The following ABLIM3 variants were observed in gnomAD, a reference collection of about 807,000 sequenced individuals.
ABLIM3 encodes actin binding LIM protein family member 3.
ABLIM3 carries 61 observed loss-of-function variants against 109.5 expected under a neutral mutation model. The observed-to-expected ratio is 0.56, with a 90% CI of 0.45 to 0.69. The LOEUF (loss-of-function observed/expected upper bound fraction) is 0.69. ABLIM3 is among the 30% of genes least tolerant of loss of function. The pLI is 0.00. For synonymous variants in ABLIM3, 300 were observed against 324.8 expected, an observed-to-expected ratio of 0.92 and a Z score of 0.82; for missense variants, 796 against 889.5, an observed-to-expected ratio of 0.89 and a Z score of 1.34.
intron 2 of ABLIM3, among the ~76,000 whole-genome samples, chr5:149,174,031 A>AAG (rs1176349743): frequency 6.6e-6 from 1 of 150,436 alleles, no homozygotes; most frequent in African/African-American, 2.4e-5. Flanking sequence ...CAAAAAAAAA[A>AAG]AAAAAAAAAA....
chr5:149,219,808 C>G (rs1226154391), intron 8 of ABLIM3: 1 of 152,270 alleles, frequency 6.6e-6, no homozygotes, highest in African/African-American at 2.4e-5. Context: ...TTCCTCTCCT[C>G]CTTCCCTGGT....
intron 10 of ABLIM3, among the ~76,000 whole-genome samples, chr5:149,236,031 AG>A (rs926220095): frequency 1.6e-4 from 24 of 152,238 alleles, no homozygotes; most frequent in African/African-American, 5.8e-4. Context: ...GAAGGTTGCC[AG>A]GGGAATAAGT....
intron 2 of ABLIM3, among the ~76,000 whole-genome samples, chr5:149,159,562 T>C (rs1346971410): frequency 6.6e-6 from 1 of 152,124 alleles, no homozygotes; most frequent in African/African-American, 2.4e-5. Flanking sequence ...ACAGAGTATG[T>C]GTGTATATAC....
intron 10 of ABLIM3, among the ~76,000 whole-genome samples, chr5:149,236,111 AAGTC>A (rs1290628132): frequency 6.6e-6 from 1 of 152,150 alleles, no homozygotes; most frequent in African/African-American, 2.4e-5. Context: ...ACCCAACTGA[AAGTC>A]AGAGAGCAAA....
chr5:149,258,495 G>A lies in ABLIM3; in HGVS notation c.*91G>A. On this transcript the variant is annotated 3_prime_UTR_variant, in exon 24 of 24. Transcript: ENST00000309868. Reference sequence around the variant, plus strand: ...CGGTATAATCCTCTCTTGTGTAATGGGACACACTGCCTGCCATGAGACTTG... The same window carrying A: ...CGGTATAATCCTCTCTTGTGTAATGAGACACACTGCCTGCCATGAGACTTG... The A allele has an allele frequency of 7.0e-7, 1 of 1,434,750 alleles. No homozygotes were observed. Among genetic ancestry groups the A allele is most frequent in the Non-Finnish European group, 9.1e-7 (1 of 1,098,818 alleles). The allele number at this position is 1,434,750 out of a possible 1,614,324, so 88.9% of individuals were successfully genotyped here.
intron 17 of ABLIM3, 191 bp from the exon 18 acceptor site, chr5:149,247,591 G>A (rs1468787635): frequency 1.2e-6 from 1 of 809,596 alleles, no homozygotes; most frequent in South Asian, 1.5e-5. Context: ...CAGACCACAG[G>A]ACAACTTGTG....
At chr5:149,209,738 G>A (rs1759356405) in intron 6 of ABLIM3, among the ~76,000 whole-genome samples, 1 of 152,152 alleles carries the variant, frequency 6.6e-6, no homozygotes, top group Non-Finnish European at 1.5e-5. Context: ...AAAGGGTTGG[G>A]GGAGGTGTGT....
chr5:149,161,036 C>A (rs1453915899), intron 2 of ABLIM3, among the ~76,000 whole-genome samples: 1 of 152,204 alleles, frequency 6.6e-6, no homozygotes, highest in South Asian at 2.1e-4. Flanking sequence ...ATCAGACCAC[C>A]TTCTTTCTTG....
chr5:149,144,767 G>A (rs1752769526), intron 2 of ABLIM3, among the ~76,000 whole-genome samples: 1 of 152,178 alleles, frequency 6.6e-6, no homozygotes, highest in South Asian at 2.1e-4. Context: ...ACTTGGATGT[G>A]TAACACATTT....
chr5:149,195,444 A>G (rs143641964), intron 3 of ABLIM3, among the ~76,000 whole-genome samples: 49 of 152,190 alleles, frequency 3.2e-4, no homozygotes, highest in African/African-American at 1.2e-3. Context: ...TCCCCACTGT[A>G]TTTCCAGGAA....
chr5:149,206,994 C>T lies in ABLIM3; in HGVS notation c.449-14C>T, dbSNP rs375291295. ...CCAGGGTGCTTTGCTCAGCAGTGTCCTCTTGTCTTGCAGACTGTGCCGGGT... is the reference window on the plus strand; with the variant it reads ...CCAGGGTGCTTTGCTCAGCAGTGTCTTCTTGTCTTGCAGACTGTGCCGGGT... On this transcript the variant is annotated splice_polypyrimidine_tract_variant and intron_variant, in intron 5 of 23. Transcript: ENST00000309868. The T allele has an allele frequency of 4.0e-5, 64 of 1,613,242 alleles. No individual in the cohort carries two copies. Among genetic ancestry groups the T allele is most frequent in the Non-Finnish European group, 5.2e-5 (61 of 1,179,630 alleles).
chr5:149,240,349 C>T (rs537846938), intron 13 of ABLIM3: 15 of 406,446 alleles, frequency 3.7e-5, no homozygotes, highest in East Asian at 9.2e-5. Flanking sequence ...ATTAAGGGAG[C>T]GTCCAAAAGG....
chr5:149,220,868 C>G (rs1760578182), intron 8 of ABLIM3: 1 of 152,250 alleles, frequency 6.6e-6, no homozygotes, highest in Admixed American at 6.5e-5. Flanking sequence ...ATGTGCCAGG[C>G]TCTCTGCTAC....
Position 149,198,938 on chromosome 5 carries a change from A to G in ABLIM3, c.335+536A>G. On this transcript the variant is annotated intron_variant, in intron 4 of 23. Coordinates refer to ENST00000309868, the MANE Select transcript of ABLIM3 (RefSeq NM_014945.5). The surrounding 1 kb of genome is among the most constrained non-coding windows in gnomAD (Gnocchi z 4.2). Reference sequence around the variant, plus strand: ...ACCTCATTGGGTTTTCTCGAAGATCAATGAGATGATGATGCAAAGGCATTA... The same window carrying G: ...ACCTCATTGGGTTTTCTCGAAGATCGATGAGATGATGATGCAAAGGCATTA... 2.5e-6 allele frequency: 1 copy of G among 397,896 alleles called. No individual in the cohort carries two copies. Among genetic ancestry groups the G allele is most frequent in the Middle Eastern group, 4.8e-4 (1 of 2,096 alleles). The allele number at this position is 397,896 out of a possible 1,614,324, so 24.6% of individuals were successfully genotyped here.
At chr5:149,223,509 T>C (rs1760873871) in intron 8 of ABLIM3, among the ~76,000 whole-genome samples, 1 of 152,206 alleles carries the variant, frequency 6.6e-6, no homozygotes, top group African/African-American at 2.4e-5. Context: ...CAAAAGAAGA[T>C]TGATCAGCTC....
At chr5:149,191,689 G>A (rs553258637) in intron 3 of ABLIM3, among the ~76,000 whole-genome samples, 22 of 152,274 alleles carry the variant, frequency 1.4e-4, no homozygotes, top group African/African-American at 4.8e-4. Flanking sequence ...GAAAAATATA[G>A]CATAACTGAC....
chr5:149,228,775 T>G (rs1761557498), intron 8 of ABLIM3, among the ~76,000 whole-genome samples: 1 of 152,198 alleles, frequency 6.6e-6, no homozygotes, highest in Admixed American at 6.5e-5. Flanking sequence ...TCTTGTTTGA[T>G]CCTCCTCTCC....
chr5:149,234,232 G>A (rs916884871), intron 10 of ABLIM3, among the ~76,000 whole-genome samples: 1 of 152,200 alleles, frequency 6.6e-6, no homozygotes, highest in Non-Finnish European at 1.5e-5. Context: ...AAAGCAGAGG[G>A]ATAAACAGAA....
chr5:149,252,386 GC>G, intron 22 of ABLIM3, 178 bp downstream of exon 22: 1 of 625,548 alleles, frequency 1.6e-6, no homozygotes. Context: ...CCTGAATCCT[GC>G]CCTAGGTCTC....
Sources: gnomAD v4.1 joint callset for allele counts (sites outside exome capture counted in the v4.1 genomes callset) on GRCh38, gnomAD v4.1.1 for gene constraint, Gnocchi (gnomAD v3.1) non-coding constraint, MANE v1.5 for transcripts, NCBI Gene and HGNC (gene_info 2026-07-23, HGNC 2026-07-21) for gene names.